SI: variants seen among roughly 807,000 people sequenced by gnomAD.
The protein encoded by SI is sucrase-isomaltase, intestinal.
In SI, 235 loss-of-function variants were observed where a neutral mutation model predicts 253.3. The ratio of observed to expected loss-of-function variants is 0.93; its 90% CI spans 0.83 to 1.03. The LOEUF (loss-of-function observed/expected upper bound fraction) is 1.03, where lower values mean the gene tolerates loss of function less well. Among genes scored for constraint, SI ranks in the 50% least tolerant of loss-of-function variants. The pLI is 0.00. For synonymous variants in SI, 819 were observed against 712.0 expected, an observed-to-expected ratio of 1.15 and a Z score of -2.39; for missense variants, 2,442 against 2,211.1, an observed-to-expected ratio of 1.10 and a Z score of -2.09.
chr3:164,997,450 T>TG (rs1694472092), intron 38 of SI, among the ~76,000 whole-genome samples: 1 of 151,662 alleles, frequency 6.6e-6, no homozygotes, highest in Admixed American at 6.6e-5. Flanking sequence ...TTCTTTTTTT[T>TG]TTTTAGCATC....
Position 165,067,362 on chromosome 3 carries a change from T to C in SI, c.613A>G (p.Arg205Gly), listed in dbSNP as rs972892575. ...TACAAAGTTTTACCGTTGCTTTTCCTAATAACTTGGATGCTAAATGGGTTT... is the reference window on the plus strand; with the variant it reads ...TACAAAGTTTTACCGTTGCTTTTCCCAATAACTTGGATGCTAAATGGGTTT... The part of the protein sequence containing the change: ...AQNPFSIQVI[R>G]KSNGKTLFDT... The change falls in exon 6 of 48, where the codon AGG (arginine) becomes GGG (glycine). Residue 205 changes from arginine (R) to glycine (G), a missense_variant. Transcript: ENST00000264382. The C allele has an allele frequency of 1.9e-6, 3 of 1,610,690 alleles. No homozygotes were observed. The highest frequency in any genetic ancestry group is 2.5e-6 in the Non-Finnish European group (3 of 1,177,656).
chr3:165,038,743 A>T lies in SI; in HGVS notation c.2301+335T>A, dbSNP rs183797907. 3.4e-3 allele frequency among the ~76,000 whole-genome samples: 518 copies of T among 152,100 alleles called. 2 individuals carry two copies. The highest frequency in any genetic ancestry group is 0.012 in the African/African-American group (493 of 41,558). On this transcript the variant is annotated intron_variant, in intron 20 of 47. Transcript: ENST00000264382. The stretch of plus-strand genomic sequence containing the variant: ...AGTACTCAAGTCTTCTGGCAATAAG[A>T]TAAATATGTAAAATAGGAAAAAGCA...
In SI at chr3:165,013,044, T is replaced by G; in HGVS notation, c.4000-2A>C. The G allele has an allele frequency of 6.3e-7, 1 of 1,595,392 alleles. No homozygotes were observed. Among genetic ancestry groups the G allele is most frequent in the Non-Finnish European group, 8.6e-7 (1 of 1,163,264 alleles). On this transcript the variant is annotated splice_acceptor_variant, in intron 33 of 47. Transcript: ENST00000264382. LOFTEE classifies it high-confidence loss of function. ...TATGTTGGGCAAATCTGGCCAAACC[T>G]ACAAGAGACAAGACATGGAAAAGCT...
At chr3:165,027,419 A>G (rs528725095) in intron 25 of SI, among the ~76,000 whole-genome samples, 7 of 151,426 alleles carry the variant, frequency 4.6e-5, no homozygotes, top group Non-Finnish European at 1.0e-4. Flanking sequence ...ATTCCACAAG[A>G]AAGAGAAAGA....
chr3:165,035,093 C>T (rs560079676), intron 22 of SI, among the ~76,000 whole-genome samples: 5 of 151,926 alleles, frequency 3.3e-5, no homozygotes, highest in African/African-American at 9.6e-5. Context: ...AAAGGGAACA[C>T]GATAGATGGA....
chr3:165,031,112 TCA>T (rs1476267748), intron 24 of SI, among the ~76,000 whole-genome samples: 1 of 149,506 alleles, frequency 6.7e-6, no homozygotes, highest in African/African-American at 2.4e-5. Flanking sequence ...TGTACATATG[TCA>T]CACACATAGA....
intron 17 of SI, among the ~76,000 whole-genome samples, chr3:165,042,632 C>T (rs914811045): frequency 6.6e-6 from 1 of 152,146 alleles, no homozygotes; most frequent in South Asian, 2.1e-4. Context: ...TTGTGACTAT[C>T]TTTAAATTCT....
intron 3 of SI, among the ~76,000 whole-genome samples, chr3:165,071,369 C>T (rs9811133): frequency 6.6e-6 from 1 of 151,388 alleles, no homozygotes; most frequent in South Asian, 2.1e-4. Flanking sequence ...TTTTTAATTT[C>T]TCATCTAATT....
chr3:165,029,832 T>G (rs1259756273), intron 25 of SI, among the ~76,000 whole-genome samples: 3 of 150,334 alleles, frequency 2.0e-5, no homozygotes, highest in African/African-American at 7.3e-5. Flanking sequence ...AGAGAAGGTT[T>G]AGAGAAGTGA....
intron 44 of SI, among the ~76,000 whole-genome samples, chr3:164,988,366 A>G (rs962702814): frequency 2.0e-5 from 3 of 152,226 alleles, no homozygotes; most frequent in Non-Finnish European, 2.9e-5. Flanking sequence ...TAATTTAGAA[A>G]CATCAAAAAT....
chr3:164,985,160 A>T (rs151256538), intron 45 of SI, among the ~76,000 whole-genome samples: 32 of 152,286 alleles, frequency 2.1e-4, no homozygotes, highest in Non-Finnish European at 4.4e-4. Flanking sequence ...TCCACACCAA[A>T]TGTTGTCATC....
At chr3:165,085,574 T>C in the SI span, among the ~76,000 whole-genome samples, 1 of 152,280 alleles carries the variant, frequency 6.6e-6, no homozygotes, top group Non-Finnish European at 1.5e-5. Context: ...GTGTGAGATT[T>C]TTATGACCAT....
intron 3 of SI, among the ~76,000 whole-genome samples, chr3:165,069,866 T>A (rs1265606850): frequency 6.6e-6 from 1 of 151,568 alleles, no homozygotes; most frequent in East Asian, 1.9e-4. Flanking sequence ...AATAGCAGTA[T>A]AATTATAAAT....
chr3:165,070,175 T>G (rs1010271305), intron 3 of SI, among the ~76,000 whole-genome samples: 1 of 89,070 alleles, frequency 1.1e-5, no homozygotes, highest in African/African-American at 3.7e-5. Context: ...TATATTTTGA[T>G]ATATTTATTT....
chr3:164,980,550 T>C (rs1717132875), intron 47 of SI, among the ~76,000 whole-genome samples: 2 of 151,886 alleles, frequency 1.3e-5, no homozygotes, highest in African/African-American at 4.8e-5. Flanking sequence ...TGGAAAACAG[T>C]GATTACTCAT....
chr3:164,994,288 C>A lies in SI; in HGVS notation c.4810G>T (p.Gly1604Cys), dbSNP rs754219043. The A allele has an allele frequency of 1.2e-6, 2 of 1,610,992 alleles. No individual in the cohort carries two copies. The highest frequency in any genetic ancestry group is 1.7e-6 in the Non-Finnish European group (2 of 1,177,946). ...YTQMHEIHAN[G>C]GTVIRPLLHE... is the part of the protein sequence containing the mutation. ...AAAAGGGGTCGGATAACAGTGCCAC[C>A]ATTAGCATGAATTTCATGCATTTGT... The change falls in exon 41 of 48, where the codon GGT becomes TGT. Residue 1604 changes from glycine to cysteine, a missense_variant. Gly to Cys is a radical substitution (Grantham distance 159). Transcript: ENST00000264382.
intron 28 of SI, 104 bp downstream of exon 28, chr3:165,019,498 C>T (rs1719199258): frequency 9.2e-7 from 1 of 1,085,960 alleles, no homozygotes; most frequent in Non-Finnish European, 1.4e-6. Context: ...TAGCTAATGC[C>T]TTTGTCATTA....
chr3:165,011,603 G>C (rs1305804552), intron 34 of SI, among the ~76,000 whole-genome samples: 1 of 151,914 alleles, frequency 6.6e-6, no homozygotes, highest in Non-Finnish European at 1.5e-5. Context: ...AAAGTTCTAC[G>C]TATGTCTGTT....
chr3:165,070,025 C>A (rs2108102528), intron 3 of SI, among the ~76,000 whole-genome samples: 1 of 148,162 alleles, frequency 6.7e-6, no homozygotes, highest in Admixed American at 6.8e-5. Context: ...ATTTTATCCT[C>A]AAATTAAAAT....
Sources: allele counts gnomAD v4.1 joint callset (sites outside exome capture counted in the v4.1 genomes callset), GRCh38; gene constraint gnomAD v4.1.1; transcripts MANE v1.5; gene names NCBI Gene and HGNC (gene_info 2026-07-23, HGNC 2026-07-21).